BLOC1S2: variants seen among roughly 807,000 people sequenced by gnomAD.
BLOC1S2 encodes the protein biogenesis of lysosome-related organelles complex 1 subunit 2.
Under a neutral mutation model 19.6 loss-of-function variants are expected in BLOC1S2, and 12 were observed. The ratio of observed to expected loss-of-function variants is 0.61; its 90% CI spans 0.39 to 0.99. BLOC1S2 has a LOEUF of 0.99. Among genes scored for constraint, BLOC1S2 ranks in the 50% least tolerant of loss-of-function variants. The probability of loss-of-function intolerance (pLI) is 0.00; values close to 1 mark genes in which losing one functional copy is unlikely to be tolerated. For synonymous variants in BLOC1S2, 66 were observed against 64.1 expected, an observed-to-expected ratio of 1.03 and a Z score of -0.14; for missense variants, 142 against 171.0, an observed-to-expected ratio of 0.83 and a Z score of 0.95.
chr10:100,280,751 T>C (rs928683870), intron 3 of BLOC1S2, among the ~76,000 whole-genome samples, 183 bp downstream of exon 3: 1 of 152,042 alleles, frequency 6.6e-6, no homozygotes, highest in African/African-American at 2.4e-5. Flanking sequence ...GAAGCAAAAA[T>C]ACCCATACAA....
intron 3 of BLOC1S2, 76 bp downstream of exon 3, chr10:100,280,858 C>T: frequency 1.4e-5 from 18 of 1,314,956 alleles, no homozygotes; most frequent in South Asian, 3.1e-5. Context: ...TGTCATGTTC[C>T]CTCCTCTTCT....
intron 4 of BLOC1S2, among the ~76,000 whole-genome samples, chr10:100,279,517 G>A (rs540330706): frequency 5.9e-5 from 9 of 152,022 alleles, no homozygotes; most frequent in Non-Finnish European, 1.2e-4. Context: ...GGCGGATCAC[G>A]AGGTCAGGAG....
chr10:100,276,502 T>A (rs1216851494), intron 4 of BLOC1S2, among the ~76,000 whole-genome samples: 49 of 136,856 alleles, frequency 3.6e-4, no homozygotes, highest in African/African-American at 1.3e-3. Flanking sequence ...TCCCTCTCCC[T>A]CTCCCGTCTC....
Position 100,286,141 on chromosome 10 carries a change from TCCCGGCAGAG to T in BLOC1S2, c.118_127del (p.Leu40ThrfsTer10). 6.2e-7 allele frequency: 1 copy of T among 1,614,058 alleles called. No homozygotes were observed. The highest frequency in any genetic ancestry group is 8.5e-7 in the Non-Finnish European group (1 of 1,179,990). On this transcript the variant is annotated frameshift_variant, in exon 2 of 5. Coordinates refer to ENST00000370372, the MANE Select transcript of BLOC1S2 (RefSeq NM_173809.5). LOFTEE classifies it high-confidence loss of function. ...GTAAGTGGCCATTTTGGAGAACATG[TCCCGGCAGAG>T]CTCAGTGATGTCAGCTTCAGCAGGC...
chr10:100,281,951 CCTTA>C (rs2134362604), intron 2 of BLOC1S2, among the ~76,000 whole-genome samples: 1 of 152,230 alleles, frequency 6.6e-6, no homozygotes, highest in South Asian at 2.1e-4. Context: ...AACCTCTCTG[CCTTA>C]CTTCTTTTGT....
chr10:100,285,679 T>C (rs549398321), intron 2 of BLOC1S2, among the ~76,000 whole-genome samples: 57 of 152,340 alleles, frequency 3.7e-4, no homozygotes, highest in African/African-American at 1.3e-3. Flanking sequence ...TCCCTAAATC[T>C]GCAGGTCACT....
At chr10:100,277,364 G>A (rs1433327405) in intron 4 of BLOC1S2, among the ~76,000 whole-genome samples, 10 of 149,124 alleles carry the variant, frequency 6.7e-5, no homozygotes, top group East Asian at 2.0e-4. Context: ...CAGCCGCCCC[G>A]TCCGGGAGGT....
intron 1 of BLOC1S2, 48 bp downstream of exon 1, chr10:100,286,557 A>G: frequency 6.2e-7 from 1 of 1,607,558 alleles, no homozygotes; most frequent in Non-Finnish European, 8.5e-7. Context: ...CCCGAGACGG[A>G]GCCCCAGGCC....
In BLOC1S2 at chr10:100,276,316, CG is replaced by C. The variant is rs1160949121; in HGVS notation, c.398-824del. Among the ~76,000 whole-genome samples the C allele has an allele frequency of 4.2e-4, 28 of 66,350 alleles. 8 individuals are homozygous for C. Among genetic ancestry groups the C allele is most frequent in the Admixed American group, 9.4e-4 (6 of 6,398 alleles). The allele number at this position is 66,350 out of a possible 152,430, so 43.5% of individuals were successfully genotyped here. On this transcript the variant is annotated intron_variant, in intron 4 of 4. Coordinates refer to ENST00000370372, the MANE Select transcript of BLOC1S2 (RefSeq NM_173809.5). ...CGTCTCCCTCTCCATCTCCCTCTCC[CG>C]TCTCCCTCTCTCTCTCCCGTCTCCC...
intron 4 of BLOC1S2, among the ~76,000 whole-genome samples, chr10:100,276,375 GTCTCCC>G (rs1405166328): frequency 6.5e-5 from 1 of 15,458 alleles, no homozygotes. Context: ...TCCCTCTCCC[GTCTCCC>G]TCTCCCGTCT....
At position 100,280,921 on chromosome 10, in the gene BLOC1S2, T is replaced by C. The variant is rs755786623; in HGVS notation, c.292+13A>G. 6.2e-7 allele frequency: 1 copy of C among 1,603,814 alleles called. No homozygotes were observed. Among genetic ancestry groups the C allele is most frequent in the Admixed American group, 1.7e-5 (1 of 58,094 alleles). ...AAATACAAACATGTTTAATTACAAA[T>C]ATTATTACTTACATTTCTGGTTTAA... On this transcript the variant is annotated intron_variant, in intron 3 of 4. Coordinates refer to ENST00000370372, the MANE Select transcript of BLOC1S2 (RefSeq NM_173809.5).
rs544229472 is a variant in BLOC1S2, at chr10:100,274,324, C to T, written c.*1138G>A. 1 of 152,350 alleles carries T rather than the reference C, an allele frequency of 6.6e-6. No individual in the cohort carries two copies. Among genetic ancestry groups the T allele is most frequent in the South Asian group, 2.1e-4 (1 of 4,816 alleles). The allele number at this position is 152,350 out of a possible 1,614,324, so 9.4% of individuals were successfully genotyped here. ...ATTTTTCAGAGGCCATGATAAGTCA[C>T]TACAGGGTTCTAAGCAGGAGTAATA... On this transcript the variant is annotated 3_prime_UTR_variant, in exon 5 of 5. Coordinates refer to ENST00000370372, the MANE Select transcript of BLOC1S2 (RefSeq NM_173809.5).
intron 2 of BLOC1S2, chr10:100,282,816 T>C: frequency 2.5e-6 from 1 of 398,300 alleles, no homozygotes; most frequent in Non-Finnish European, 4.4e-6. Flanking sequence ...TAATAAATCA[T>C]TTGGAAACCT....
chr10:100,278,634 G>A (rs1445017964), intron 4 of BLOC1S2, among the ~76,000 whole-genome samples: 1 of 152,228 alleles, frequency 6.6e-6, no homozygotes, highest in East Asian at 1.9e-4. Flanking sequence ...CTTGAAGGCA[G>A]CATGCTCGTT....
chr10:100,276,080 T>C (rs1847840094), intron 4 of BLOC1S2, among the ~76,000 whole-genome samples: 2 of 152,172 alleles, frequency 1.3e-5, no homozygotes, highest in African/African-American at 4.8e-5. Context: ...AGATACTTTC[T>C]ACATGGTAAG....
intron 4 of BLOC1S2, among the ~76,000 whole-genome samples, chr10:100,278,812 A>T (rs1333948343): frequency 6.6e-6 from 1 of 151,482 alleles, no homozygotes; most frequent in South Asian, 2.1e-4. Context: ...TGATCAATAA[A>T]AAAAAAAAAA....
At chr10:100,283,557 T>G (rs1051513435) in intron 2 of BLOC1S2, among the ~76,000 whole-genome samples, 2 of 152,092 alleles carry the variant, frequency 1.3e-5, no homozygotes, top group Non-Finnish European at 2.9e-5. Context: ...TTTATACTGC[T>G]ATCAAATTAG....
intron 2 of BLOC1S2, among the ~76,000 whole-genome samples, chr10:100,285,411 G>C (rs1240299719): frequency 6.6e-6 from 1 of 152,146 alleles, no homozygotes; most frequent in East Asian, 1.9e-4. Context: ...ACAGGCGCCC[G>C]CCACCACGGC....
At chr10:100,276,372 C>A (rs1333054043) in intron 4 of BLOC1S2, among the ~76,000 whole-genome samples, 1 of 61,998 alleles carries the variant, frequency 1.6e-5, no homozygotes, top group Non-Finnish European at 3.4e-5. Flanking sequence ...GTCTCCCTCT[C>A]CCGTCTCCCT....
Sources: gnomAD v4.1 joint callset for allele counts (sites outside exome capture counted in the v4.1 genomes callset) on GRCh38, gnomAD v4.1.1 for gene constraint, MANE v1.5 for transcripts, NCBI Gene and HGNC (gene_info 2026-07-23, HGNC 2026-07-21) for gene names.